EML4: variants seen among roughly 807,000 people sequenced by gnomAD.
The protein encoded by EML4 is echinoderm microtubule-associated protein-like 4.
EML4 carries 72 observed loss-of-function variants against 129.0 expected under a neutral mutation model. The ratio of observed to expected loss-of-function variants is 0.56; its 90% CI spans 0.46 to 0.68. The LOEUF is 0.68. Among genes scored for constraint, EML4 ranks in the 30% least tolerant of loss-of-function variants. EML4 has a pLI of 0.00. For missense variants in EML4, 1,363 were observed against 1,190.6 expected, an observed-to-expected ratio of 1.14 and a Z score of -2.13; for synonymous variants, 532 against 405.0, an observed-to-expected ratio of 1.31 and a Z score of -3.77.
chr2:42,229,771 G>A (rs190407632), intron 1 of EML4, among the ~76,000 whole-genome samples: 2 of 151,968 alleles, frequency 1.3e-5, no homozygotes, highest in East Asian at 1.9e-4. Context: ...CCACTAATGC[G>A]AGAACATCTG....
intron 6 of EML4, among the ~76,000 whole-genome samples, chr2:42,278,991 T>C (rs963521674): frequency 1.3e-5 from 2 of 152,150 alleles, no homozygotes; most frequent in Non-Finnish European, 2.9e-5. Flanking sequence ...AACGTTTTAG[T>C]TTTAGACTGT....
intron 1 of EML4, among the ~76,000 whole-genome samples, chr2:42,197,411 C>G (rs1671957799): frequency 6.6e-6 from 1 of 151,720 alleles, no homozygotes; most frequent in Non-Finnish European, 1.5e-5. Context: ...GAAAAAGAAC[C>G]CCCCAAAAAG....
At chr2:42,178,205 G>C (rs1297811174) in intron 1 of EML4, among the ~76,000 whole-genome samples, 1 of 152,130 alleles carries the variant, frequency 6.6e-6, no homozygotes, top group Non-Finnish European at 1.5e-5. Flanking sequence ...AAAATTGGTA[G>C]GGCTAGGGTA....
chr2:42,181,498 C>T (rs955735006), intron 1 of EML4, among the ~76,000 whole-genome samples: 6 of 152,074 alleles, frequency 3.9e-5, no homozygotes, highest in Admixed American at 6.5e-5. Context: ...TGGGGTTTCA[C>T]CATGTTGGCC....
intron 1 of EML4, among the ~76,000 whole-genome samples, chr2:42,205,646 G>C (rs1553365369): frequency 6.6e-6 from 1 of 152,144 alleles, no homozygotes; most frequent in Non-Finnish European, 1.5e-5. Flanking sequence ...TGTTGTTGTT[G>C]TTGTTTGTTT....
intron 14 of EML4, among the ~76,000 whole-genome samples, chr2:42,301,666 C>A (rs566094685): frequency 2.6e-5 from 4 of 151,270 alleles, no homozygotes; most frequent in Non-Finnish European, 5.9e-5. Flanking sequence ...TTTTTCTTCT[C>A]TTTTTTGGTG....
intron 17 of EML4, among the ~76,000 whole-genome samples, chr2:42,312,049 T>A (rs778799521): frequency 9.9e-5 from 15 of 152,258 alleles, no homozygotes; most frequent in East Asian, 5.8e-4. Context: ...TTGGTAAACA[T>A]GAAGCATGTG....
chr2:42,207,195 A>C (rs1672608742), intron 1 of EML4, among the ~76,000 whole-genome samples: 2 of 152,212 alleles, frequency 1.3e-5, no homozygotes, highest in Non-Finnish European at 2.9e-5. Flanking sequence ...ATCAGTTATC[A>C]TTTGTAGTTT....
intron 1 of EML4, among the ~76,000 whole-genome samples, chr2:42,237,984 G>T (rs1269454659): frequency 6.6e-6 from 1 of 152,168 alleles, no homozygotes; most frequent in Non-Finnish European, 1.5e-5. Context: ...AAAACAACCA[G>T]TTGTCCATGT....
intron 11 of EML4, among the ~76,000 whole-genome samples, chr2:42,291,401 T>G (rs1667631974): frequency 1.1e-5 from 1 of 90,012 alleles, no homozygotes; most frequent in Admixed American, 1.0e-4. Context: ...AAGACACCTT[T>G]TTTTTTTTTT....
At position 42,245,557 on chromosome 2, in the gene EML4, T is replaced by C; in HGVS notation, c.78T>C (p.Ala26=). The change falls in exon 2 of 23, where the codon GCT becomes GCC. Residue 26 remains alanine (A), a synonymous_variant. Transcript: ENST00000318522. ...STSDVQDRLS[A]LESRVQQQED... The stretch of plus-strand genomic sequence containing the variant: ...CTGATGTTCAAGATCGCCTGTCAGC[T>C]CTTGAGTCACGAGTTCAGCAACAAG... 6.2e-7 allele frequency: 1 copy of C among 1,613,912 alleles called. No individual in the cohort carries two copies. The highest frequency in any genetic ancestry group is 8.5e-7 in the Non-Finnish European group (1 of 1,179,886).
chr2:42,279,900 G>GT (rs1270668188), intron 6 of EML4, among the ~76,000 whole-genome samples: 2 of 151,948 alleles, frequency 1.3e-5, no homozygotes, highest in East Asian at 3.9e-4. Context: ...TTGTATACCT[G>GT]TTGGCCATTT....
intron 1 of EML4, among the ~76,000 whole-genome samples, chr2:42,183,200 A>AT (rs1671049172): frequency 6.6e-6 from 1 of 152,218 alleles, no homozygotes; most frequent in South Asian, 2.1e-4. Flanking sequence ...ACAAATATTT[A>AT]TTAAGTAAAT....
Position 42,245,628 on chromosome 2 carries a change from G to GGCGT in EML4, c.150_153dup (p.Leu52AlafsTer6). ...AAGGCGGCTTTGGCTGATGTTTTGAGGCGTCTTGCAATCTCTGAAGATCAT... is the reference window on the plus strand; with the variant it reads ...AAGGCGGCTTTGGCTGATGTTTTGAGGCGTGCGTCTTGCAATCTCTGAAGATCAT... On this transcript the variant is annotated frameshift_variant, in exon 2 of 23. Transcript: ENST00000318522. LOFTEE classifies it high-confidence loss of function. 6.2e-7 allele frequency: 1 copy of GGCGT among 1,613,654 alleles called. No homozygotes were observed. Among genetic ancestry groups the GGCGT allele is most frequent in the Non-Finnish European group, 8.5e-7 (1 of 1,179,764 alleles).
Position 42,328,076 on chromosome 2 carries a change from G to A in EML4, c.2342-810G>A, listed in dbSNP as rs190526929. Reference sequence around the variant, plus strand: ...AAAATGAAGCAGTGACCCATAGCTGGTAGCTTCTGTGGTTATTTTAATGAA... The same window carrying A: ...AAAATGAAGCAGTGACCCATAGCTGATAGCTTCTGTGGTTATTTTAATGAA... On this transcript the variant is annotated intron_variant, in intron 21 of 22. Transcript: ENST00000318522. 3.0e-4 allele frequency among the ~76,000 whole-genome samples: 46 copies of A among 152,276 alleles called. No individual in the cohort carries two copies. In the East Asian group the frequency reaches 4.0e-3, roughly 13 times the overall value.
At position 42,325,605 on chromosome 2, in the gene EML4, TATATATATATATATATA is replaced by T. The variant is rs773059571; in HGVS notation, c.2242+52_2242+68del. 2.3e-3 allele frequency: 51 copies of T among 22,016 alleles called. 2 individuals carry two copies. The highest frequency in any genetic ancestry group is 0.021 in the South Asian group (10 of 480). 1.4% of individuals were successfully genotyped at this position (22,016 alleles called of 1,614,324 possible). On this transcript the variant is annotated intron_variant, in intron 20 of 22. Coordinates refer to ENST00000318522, the MANE Select transcript of EML4 (RefSeq NM_019063.5). ...TATATATATGCTATGATTATATTTATATATATATATATATATATATATATATATATATATGCTAAGAT... is the reference window on the plus strand; with the variant it reads ...TATATATATGCTATGATTATATTTATTATATATATATATATATGCTAAGAT...
intron 13 of EML4, among the ~76,000 whole-genome samples, chr2:42,298,042 C>G (rs982978189): frequency 6.6e-6 from 1 of 152,068 alleles, no homozygotes; most frequent in East Asian, 1.9e-4. Context: ...TGTTCTTATG[C>G]AAAATAATTT....
chr2:42,315,140 C>G (rs1423746370), intron 17 of EML4, among the ~76,000 whole-genome samples: 7 of 152,192 alleles, frequency 4.6e-5, no homozygotes, highest in Non-Finnish European at 1.0e-4. Flanking sequence ...CTTAGCTATA[C>G]AGCTGCTGTT....
intron 17 of EML4, among the ~76,000 whole-genome samples, chr2:42,307,453 T>C (rs1373542649): frequency 1.3e-5 from 2 of 152,200 alleles, no homozygotes; most frequent in African/African-American, 4.8e-5. Flanking sequence ...TGTATGTAAC[T>C]CCTGTCTTTG....
Sources: allele counts gnomAD v4.1 joint callset (sites outside exome capture counted in the v4.1 genomes callset), GRCh38; gene constraint gnomAD v4.1.1; transcripts MANE v1.5; gene names NCBI Gene and HGNC (gene_info 2026-07-23, HGNC 2026-07-21).